CSNK1G1: variants seen among roughly 807,000 people sequenced by gnomAD.
CSNK1G1 encodes the protein casein kinase I isoform gamma-1.
In CSNK1G1, 22 loss-of-function variants were observed where a neutral mutation model predicts 59.6. The ratio of observed to expected loss-of-function variants is 0.37; its 90% CI spans 0.26 to 0.53. The LOEUF (loss-of-function observed/expected upper bound fraction) is 0.53, where lower values mean the gene tolerates loss of function less well. Among genes scored for constraint, CSNK1G1 ranks in the 20% least tolerant of loss-of-function variants. The pLI is 0.89. For synonymous variants in CSNK1G1, 179 were observed against 177.1 expected (o/e 1.01, Z -0.08); for missense variants, 384 against 519.5 (o/e 0.74, Z 2.54).
chr15:64,216,228 A>AAAAAC lies in CSNK1G1; in HGVS notation c.444+329_444+333dup, dbSNP rs1166336515. ...TGACAGAGACCCTGTCTCAAAAATG[A>AAAAAC]AAAACAAAACAAAACAAAATCAAAT... On this transcript the variant is annotated intron_variant, in intron 5 of 11. Coordinates refer to ENST00000303052, the MANE Select transcript of CSNK1G1 (RefSeq NM_022048.5). This position sits in a 1 kb window ranked among gnomAD's most constrained non-coding sequence, Gnocchi z 4.6. 1.3e-5 allele frequency among the ~76,000 whole-genome samples: 2 copies of AAAAAC among 152,166 alleles called. No individual in the cohort carries two copies. The highest frequency in any genetic ancestry group is 1.5e-5 in the Non-Finnish European group (1 of 68,032).
At chr15:64,215,633 A>G (rs1379733724) in intron 5 of CSNK1G1, among the ~76,000 whole-genome samples, 1 of 152,220 alleles carries the variant, frequency 6.6e-6, no homozygotes, top group Non-Finnish European at 1.5e-5. Context: ...GACCATTACC[A>G]TTTTAAACAA....
intron 2 of CSNK1G1, among the ~76,000 whole-genome samples, chr15:64,293,253 T>C (rs571361591): frequency 6.6e-6 from 1 of 152,274 alleles, no homozygotes; most frequent in Admixed American, 6.5e-5. Flanking sequence ...TCTCCTTTCA[T>C]TGAGGCAGTA....
chr15:64,304,175 G>A (rs1895532406), intron 1 of CSNK1G1, among the ~76,000 whole-genome samples: 1 of 151,866 alleles, frequency 6.6e-6, no homozygotes, highest in Non-Finnish European at 1.5e-5. Flanking sequence ...ATCACCTGAG[G>A]TCAGGAGTTC....
chr15:64,208,889 C>CT lies in CSNK1G1; in HGVS notation c.680-1296dup, dbSNP rs201279267. On this transcript the variant is annotated intron_variant, in intron 6 of 11. Coordinates refer to ENST00000303052, the MANE Select transcript of CSNK1G1 (RefSeq NM_022048.5). ...TGGTTTAGTCTCAGATTTCTTTTTT[C>CT]TTTTTTTTTTTTTTTTGAGACAAGG... Among the ~76,000 whole-genome samples, 902 of 136,600 alleles carry CT rather than the reference C, an allele frequency of 6.6e-3. 3 individuals are homozygous for CT. Among genetic ancestry groups the CT allele is most frequent in the Middle Eastern group, 0.015 (4 of 264 alleles). 89.6% of individuals were successfully genotyped at this position (136,600 alleles called of 152,430 possible).
chr15:64,274,045 C>A (rs1434356090), intron 2 of CSNK1G1, among the ~76,000 whole-genome samples: 1 of 152,200 alleles, frequency 6.6e-6, no homozygotes, highest in African/African-American at 2.4e-5. Context: ...ATAAGTGAGA[C>A]AAGCCTATGT....
chr15:64,202,172 A>G (rs966397141), intron 10 of CSNK1G1, among the ~76,000 whole-genome samples: 1 of 152,202 alleles, frequency 6.6e-6, no homozygotes, highest in Non-Finnish European at 1.5e-5. Flanking sequence ...TCTTCACTGC[A>G]GGTCCATCTC....
intron 1 of CSNK1G1, among the ~76,000 whole-genome samples, chr15:64,301,029 C>T (rs547218220): frequency 6.6e-6 from 1 of 152,280 alleles, no homozygotes; most frequent in African/African-American, 2.4e-5. Flanking sequence ...CACTGGCTAA[C>T]AGAAATACAG....
chr15:64,222,731 C>A (rs2082407333), intron 4 of CSNK1G1, among the ~76,000 whole-genome samples: 1 of 150,564 alleles, frequency 6.6e-6, no homozygotes, highest in African/African-American at 2.4e-5. Flanking sequence ...CCTACTGAGT[C>A]AGAATTTCTA....
rs551135030 is a variant in CSNK1G1, at chr15:64,171,857, A to T, written c.*74T>A. The T allele has an allele frequency of 2.4e-6, 3 of 1,272,090 alleles. No homozygotes were observed. The highest frequency in any genetic ancestry group is 3.5e-6 in the Non-Finnish European group (3 of 868,540). 78.8% of individuals were successfully genotyped at this position (1,272,090 alleles called of 1,614,324 possible). ...CTCCCCCAAAGAGGAGTCCCTTCCA[A>T]TGAGAAATGGCAGGAGCTGCAGGTA... On this transcript the variant is annotated 3_prime_UTR_variant, in exon 12 of 12. Transcript: ENST00000303052. This position sits in a 1 kb window ranked among gnomAD's most constrained non-coding sequence, Gnocchi z 4.8.
intron 10 of CSNK1G1, among the ~76,000 whole-genome samples, chr15:64,197,040 C>A (rs1184445627): frequency 6.6e-6 from 1 of 152,218 alleles, no homozygotes; most frequent in Non-Finnish European, 1.5e-5. Flanking sequence ...CAAGTGCCCA[C>A]TATTCTAAAC....
intron 1 of CSNK1G1, among the ~76,000 whole-genome samples, chr15:64,317,659 C>A (rs1010015655): frequency 6.6e-6 from 1 of 151,828 alleles, no homozygotes; most frequent in Non-Finnish European, 1.5e-5. Context: ...CCATCACCCA[C>A]CTAATTTTTA....
At chr15:64,347,705 A>C (rs998609235) in intron 1 of CSNK1G1, among the ~76,000 whole-genome samples, 5 of 152,034 alleles carry the variant, frequency 3.3e-5, no homozygotes, top group African/African-American at 1.2e-4. Context: ...TGAGCTATGA[A>C]GCCACAAAAA....
At chr15:64,279,274 C>T (rs1308356523) in intron 2 of CSNK1G1, among the ~76,000 whole-genome samples, 1 of 152,208 alleles carries the variant, frequency 6.6e-6, no homozygotes, top group East Asian at 1.9e-4. Flanking sequence ...GGTACCTCCT[C>T]TCAATGACTA....
chr15:64,238,915 G>A (rs1043345004), intron 4 of CSNK1G1, among the ~76,000 whole-genome samples: 7 of 152,146 alleles, frequency 4.6e-5, no homozygotes, highest in Middle Eastern at 3.4e-3. Flanking sequence ...CCCCATTGTG[G>A]GGAAAATGAG....
intron 9 of CSNK1G1, 98 bp downstream of exon 9, chr15:64,204,343 G>C: frequency 1.0e-6 from 1 of 997,850 alleles, no homozygotes; most frequent in Non-Finnish European, 1.4e-6. Flanking sequence ...TTTTACCAAA[G>C]ATTCAAGCAG....
At chr15:64,331,157 A>T (rs1205265981) in intron 1 of CSNK1G1, among the ~76,000 whole-genome samples, 3 of 147,430 alleles carry the variant, frequency 2.0e-5, no homozygotes, top group Admixed American at 6.8e-5. Context: ...GACTTTCTTC[A>T]CAGAATTGGA....
intron 1 of CSNK1G1, among the ~76,000 whole-genome samples, chr15:64,313,306 T>C (rs1395753279): frequency 1.3e-5 from 2 of 152,220 alleles, no homozygotes; most frequent in Non-Finnish European, 2.9e-5. Flanking sequence ...CACACGTATG[T>C]TTATTGTGGC....
intron 10 of CSNK1G1, among the ~76,000 whole-genome samples, chr15:64,186,167 C>T (rs576618685): frequency 1.1e-4 from 17 of 152,078 alleles, no homozygotes; most frequent in African/African-American, 2.7e-4. Context: ...AGTGCAGGGG[C>T]GCAATCTCAG....
chr15:64,280,880 T>C (rs1472635962), intron 2 of CSNK1G1, among the ~76,000 whole-genome samples: 1 of 151,606 alleles, frequency 6.6e-6, no homozygotes, highest in Non-Finnish European at 1.5e-5. Flanking sequence ...AGGAAGGAAA[T>C]TCTTTTTTCT....
Sources: allele counts gnomAD v4.1 joint callset (sites outside exome capture counted in the v4.1 genomes callset), GRCh38; gene constraint gnomAD v4.1.1; non-coding constraint Gnocchi (gnomAD v3.1); transcripts MANE v1.5; gene names NCBI Gene and HGNC (gene_info 2026-07-23, HGNC 2026-07-21).